PTPRD: variants seen among roughly 807,000 people sequenced by gnomAD.
PTPRD encodes receptor-type tyrosine-protein phosphatase delta.
In PTPRD, 34 loss-of-function variants were observed where a neutral mutation model predicts 214.5. The ratio of observed to expected loss-of-function variants is 0.16; its 90% CI spans 0.12 to 0.21. PTPRD has a LOEUF of 0.21. PTPRD is among the 10% of genes least tolerant of loss of function. PTPRD has a pLI of 1.00. For missense variants in PTPRD, 2,545 were observed against 2,398.7 expected (o/e 1.06, Z -1.27); for synonymous variants, 1,128 against 845.7 (o/e 1.33, Z -5.79).
At chr9:10,057,584 G>A (rs1001590062) in intron 3 of PTPRD, among the ~76,000 whole-genome samples, 1 of 152,092 alleles carries the variant, frequency 6.6e-6, no homozygotes, top group Admixed American at 6.6e-5. Flanking sequence ...TGTGGCTCAC[G>A]CCTGTAATCC....
At chr9:10,503,196 A>AAAAAAAAAAC (rs2044400881) in intron 2 of PTPRD, among the ~76,000 whole-genome samples, 1 of 129,706 alleles carries the variant, frequency 7.7e-6, no homozygotes, top group Admixed American at 7.2e-5. Flanking sequence ...TGCAATACAA[A>AAAAAAAAAAC]AAAAAAAAAA....
chr9:8,618,544 G>A (rs752789390), intron 14 of PTPRD, among the ~76,000 whole-genome samples: 4 of 152,020 alleles, frequency 2.6e-5, no homozygotes, highest in African/African-American at 9.7e-5. Flanking sequence ...ATGGTATCTT[G>A]ACAATCTCCA....
chr9:9,792,165 G>A (rs1416757742), intron 5 of PTPRD, among the ~76,000 whole-genome samples: 2 of 151,748 alleles, frequency 1.3e-5, no homozygotes, highest in African/African-American at 4.8e-5. Context: ...CAGCTTTTCA[G>A]TGTGGCAGCA....
At chr9:9,518,537 T>C (rs985041832) in intron 8 of PTPRD, among the ~76,000 whole-genome samples, 1 of 152,012 alleles carries the variant, frequency 6.6e-6, no homozygotes, top group African/African-American at 2.4e-5. Context: ...AATGCAGAAA[T>C]TGATATTCTG....
intron 2 of PTPRD, among the ~76,000 whole-genome samples, chr9:10,528,932 T>C (rs552393543): frequency 8.5e-5 from 13 of 152,302 alleles, no homozygotes; most frequent in African/African-American, 2.6e-4. Context: ...GGGTTAGTTT[T>C]GTGGTGGATG....
intron 11 of PTPRD, among the ~76,000 whole-genome samples, chr9:8,738,695 G>T (rs1217082218): frequency 1.3e-5 from 2 of 151,764 alleles, no homozygotes; most frequent in East Asian, 1.9e-4. Context: ...AATTTCACTG[G>T]TTACTCTAGG....
At chr9:9,441,478 C>T (rs1286401667) in intron 8 of PTPRD, among the ~76,000 whole-genome samples, 1 of 152,122 alleles carries the variant, frequency 6.6e-6, no homozygotes, top group Non-Finnish European at 1.5e-5. Flanking sequence ...TCAGCTGGAG[C>T]ATAGAGTGCT....
At position 8,486,248 on chromosome 9, in the gene PTPRD, G is replaced by T. The variant is rs768330226; in HGVS notation, c.2569C>A (p.Arg857Ser). Residue 857 changes from arginine (R) to serine (S), a missense_variant, in exon 28 of 46, where the codon CGT (arginine) becomes AGT (serine). Transcript: ENST00000381196. The stretch of plus-strand genomic sequence containing the variant: ...ATATCCTTGCGGCCAAATTTTAGAC[G>T]GTAGCCCTGAAGAGGTCCAAATGTG... ...VDTFGPLQGY[R>S]LKFGRKDMEP... The T allele has an allele frequency of 1.2e-6, 2 of 1,614,162 alleles. No individual in the cohort carries two copies. Among genetic ancestry groups the T allele is most frequent in the Non-Finnish European group, 1.7e-6 (2 of 1,180,022 alleles).
At chr9:9,052,006 T>TA (rs2099686749) in intron 10 of PTPRD, among the ~76,000 whole-genome samples, 2 of 152,212 alleles carry the variant, frequency 1.3e-5, no homozygotes, top group South Asian at 4.1e-4. Flanking sequence ...ATAACAAAAA[T>TA]ACCATAGACT....
At chr9:9,016,651 C>T (rs2099536595) in intron 11 of PTPRD, among the ~76,000 whole-genome samples, 1 of 152,080 alleles carries the variant, frequency 6.6e-6, no homozygotes, top group Non-Finnish European at 1.5e-5. Flanking sequence ...GGTCGTTTGA[C>T]CTACCCCCTA....
chr9:9,828,489 C>T lies in PTPRD; in HGVS notation c.-367-61638G>A, dbSNP rs149912814. On this transcript the variant is annotated intron_variant, in intron 5 of 45. Transcript: ENST00000381196. ...ACACAGGAAGGGGAACATCACACACCGGGGTCTGTTGTGAGGTGTGGGGAG... is the reference window on the plus strand; with the variant it reads ...ACACAGGAAGGGGAACATCACACACTGGGGTCTGTTGTGAGGTGTGGGGAG... Among the ~76,000 whole-genome samples, 1,238 of 151,924 alleles carry T rather than the reference C, an allele frequency of 8.1e-3. 18 individuals are homozygous for T. Among genetic ancestry groups the T allele is most frequent in the African/African-American group, 0.028 (1,169 of 41,472 alleles).
chr9:9,402,966 G>GAAAAAAA (rs1555359331), intron 8 of PTPRD, among the ~76,000 whole-genome samples: 4 of 78,590 alleles, frequency 5.1e-5, no homozygotes, highest in African/African-American at 2.0e-4. Flanking sequence ...CTAATAGGGA[G>GAAAAAAA]AAAAAAAAAA....
At chr9:9,184,438 G>C (rs1445211) in intron 9 of PTPRD, among the ~76,000 whole-genome samples, 91,562 of 151,754 alleles carry the variant, frequency 0.6, 27,695 homozygotes, top group South Asian at 0.72. Flanking sequence ...AGGAGGAAAG[G>C]TCCCAAAGAC....
intron 4 of PTPRD, among the ~76,000 whole-genome samples, chr9:9,981,099 G>C (rs905788558): frequency 6.6e-6 from 1 of 151,996 alleles, no homozygotes; most frequent in African/African-American, 2.4e-5. Context: ...TCTACATCAC[G>C]TTATTATTTT....
intron 6 of PTPRD, among the ~76,000 whole-genome samples, chr9:9,756,599 T>C (rs890701129): frequency 1.4e-4 from 22 of 152,110 alleles, no homozygotes; most frequent in African/African-American, 5.1e-4. Flanking sequence ...AACAACTGTT[T>C]AGTGGATACA....
intron 5 of PTPRD, among the ~76,000 whole-genome samples, chr9:9,769,252 C>T (rs1305325116): frequency 6.7e-6 from 1 of 149,620 alleles, no homozygotes; most frequent in African/African-American, 2.5e-5. Flanking sequence ...CCCTTTTATA[C>T]ACTGGTGGTG....
chr9:9,305,594 T>A (rs1054582693), intron 9 of PTPRD, among the ~76,000 whole-genome samples: 1 of 152,102 alleles, frequency 6.6e-6, no homozygotes, highest in African/African-American at 2.4e-5. Flanking sequence ...TAAAAGAATA[T>A]GTCCACCTAG....
At position 8,773,506 on chromosome 9, in the gene PTPRD, C is replaced by G. The variant is rs74828080; in HGVS notation, c.-103-39560G>C. On this transcript the variant is annotated intron_variant, in intron 11 of 45. Coordinates refer to ENST00000381196, the MANE Select transcript of PTPRD (RefSeq NM_002839.4). Reference sequence around the variant, plus strand: ...CTGAAGTCCCATGTCTTGAGGACCACTGTTGCATGTATTTTATCTGTTTTA... The same window carrying G: ...CTGAAGTCCCATGTCTTGAGGACCAGTGTTGCATGTATTTTATCTGTTTTA... Among the ~76,000 whole-genome samples, 281 of 152,316 alleles carry G rather than the reference C, an allele frequency of 1.8e-3. 1 individual carries two copies. Among genetic ancestry groups the G allele is most frequent in the African/African-American group, 6.2e-3 (259 of 41,570 alleles).
At chr9:9,858,767 G>T (rs2062055311) in intron 5 of PTPRD, among the ~76,000 whole-genome samples, 1 of 152,080 alleles carries the variant, frequency 6.6e-6, no homozygotes, top group South Asian at 2.1e-4. Flanking sequence ...AGCCAAAACA[G>T]GTAAGTGATT....
Sources: gnomAD v4.1 joint callset for allele counts (sites outside exome capture counted in the v4.1 genomes callset) on GRCh38, gnomAD v4.1.1 for gene constraint, MANE v1.5 for transcripts, NCBI Gene and HGNC (gene_info 2026-07-23, HGNC 2026-07-21) for gene names.